The following HIPK3 variants were observed in gnomAD, a reference collection of about 807,000 sequenced individuals.
HIPK3 encodes homeodomain interacting protein kinase 3, also known as homeodomain-interacting protein kinase 3.
HIPK3 carries 47 observed loss-of-function variants against 124.2 expected under a neutral mutation model. The ratio of observed to expected loss-of-function variants is 0.38; its 90% CI spans 0.30 to 0.48. HIPK3 has a LOEUF of 0.48. HIPK3 is among the 20% of genes least tolerant of loss of function. HIPK3 has a pLI of 0.98. For synonymous variants in HIPK3, 482 were observed against 515.2 expected (o/e 0.94, Z 0.87); for missense variants, 1,286 against 1,454.3 (o/e 0.88, Z 1.88).
intron 2 of HIPK3, among the ~76,000 whole-genome samples, chr11:33,310,299 A>ATCTATCTATCTATCTG (rs1321471159): frequency 1.3e-5 from 2 of 150,958 alleles, no homozygotes; most frequent in African/African-American, 4.9e-5. Flanking sequence ...CTATCTATCT[A>ATCTATCTATCTATCTG]TCTATCTAAT....
intron 1 of HIPK3, among the ~76,000 whole-genome samples, chr11:33,283,686 T>C (rs1027573775): frequency 2.0e-5 from 3 of 151,876 alleles, no homozygotes; most frequent in South Asian, 2.1e-4. Context: ...TTTTTTTTTT[T>C]CTTTTGGAGA....
chr11:33,305,431 T>C (rs1398973069), intron 2 of HIPK3, among the ~76,000 whole-genome samples: 1 of 152,234 alleles, frequency 6.6e-6, no homozygotes, highest in Non-Finnish European at 1.5e-5. Flanking sequence ...AAACAGTTCA[T>C]GAAATAATGA....
intron 2 of HIPK3, among the ~76,000 whole-genome samples, chr11:33,324,389 G>A (rs988914398): frequency 2.6e-5 from 4 of 152,142 alleles, no homozygotes; most frequent in Non-Finnish European, 4.4e-5. Context: ...GGCATGCTAC[G>A]GTTAACTGGG....
intron 16 of HIPK3, among the ~76,000 whole-genome samples, chr11:33,352,590 T>C (rs112908656): frequency 1.3e-5 from 2 of 152,288 alleles, no homozygotes; most frequent in South Asian, 2.1e-4. Context: ...TGTGTTTCAG[T>C]TGGGAAAAGA....
At chr11:33,310,510 T>C (rs1292238153) in intron 2 of HIPK3, among the ~76,000 whole-genome samples, 1 of 152,164 alleles carries the variant, frequency 6.6e-6, no homozygotes, top group Non-Finnish European at 1.5e-5. Context: ...GGTTTTGCTA[T>C]GTTGGGCAGG....
chr11:33,272,556 A>G (rs1854154355), intron 1 of HIPK3, among the ~76,000 whole-genome samples: 3 of 152,044 alleles, frequency 2.0e-5, no homozygotes, highest in African/African-American at 7.2e-5. Context: ...TTTCTGCTGT[A>G]TCACCTTCCT....
chr11:33,343,817 T>C (rs1853415670), intron 8 of HIPK3, among the ~76,000 whole-genome samples: 1 of 152,150 alleles, frequency 6.6e-6, no homozygotes, highest in Non-Finnish European at 1.5e-5. Flanking sequence ...ATTTATATCA[T>C]AGAAAGTATA....
chr11:33,320,528 A>T (rs771711211), intron 2 of HIPK3, among the ~76,000 whole-genome samples: 1 of 152,220 alleles, frequency 6.6e-6, no homozygotes, highest in Non-Finnish European at 1.5e-5. Flanking sequence ...GTAGAGGATA[A>T]GGACAGAAGC....
At chr11:33,306,474 A>T (rs187842168) in intron 2 of HIPK3, among the ~76,000 whole-genome samples, 2,570 of 141,024 alleles carry the variant, frequency 0.018, 16 homozygotes, top group African/African-American at 0.026. Flanking sequence ...GCTTTTTTTT[A>T]AAAAAAATTA....
chr11:33,286,858 C>T lies in HIPK3; in HGVS notation c.444C>T (p.Ser148=), dbSNP rs1851570767. The T allele has an allele frequency of 1.2e-6, 2 of 1,613,986 alleles. No individual in the cohort carries two copies. The highest frequency in any genetic ancestry group is 1.3e-5 in the African/African-American group (1 of 74,886). ...CAATGCAGATTGTCGATGAATTGTC[C>T]ATACTTCCTGCAATGTTGCAAACCA... ...SSAMQIVDEL[S]ILPAMLQTNM... Residue 148 remains serine (S), a synonymous_variant, in exon 2 of 17, where the codon TCC becomes TCT. Coordinates refer to ENST00000303296, the MANE Select transcript of HIPK3 (RefSeq NM_005734.5).
chr11:33,286,611 T>C lies in HIPK3; in HGVS notation c.197T>C (p.Ile66Thr), dbSNP rs1018035334. The part of the protein sequence containing the change: ...PTKGSAFQTK[I>T]PFNRPRGHNF... ...AAGGGTAGTGCTTTTCAGACAAAGA[T>C]ACCATTTAATAGACCTCGAGGACAC... The change falls in exon 2 of 17, where the codon ATA (isoleucine) becomes ACA (threonine). Residue 66 changes from isoleucine to threonine, a missense_variant. Coordinates refer to ENST00000303296, the MANE Select transcript of HIPK3 (RefSeq NM_005734.5). 1 of 1,614,160 alleles carries C rather than the reference T, an allele frequency of 6.2e-7. No individual in the cohort carries two copies. Among genetic ancestry groups the C allele is most frequent in the East Asian group, 2.2e-5 (1 of 44,886 alleles).
At chr11:33,262,160 T>G (rs760025010) in intron 1 of HIPK3, among the ~76,000 whole-genome samples, 2 of 152,204 alleles carry the variant, frequency 1.3e-5, no homozygotes, top group Non-Finnish European at 2.9e-5. Flanking sequence ...CAGTGGAGGC[T>G]TTTAGGATAG....
intron 1 of HIPK3, among the ~76,000 whole-genome samples, chr11:33,280,109 T>C (rs1333121863): frequency 6.6e-6 from 1 of 152,186 alleles, no homozygotes; most frequent in Non-Finnish European, 1.5e-5. Flanking sequence ...GAAAGCTTAA[T>C]GGTTGCTCTA....
intron 1 of HIPK3, among the ~76,000 whole-genome samples, chr11:33,263,901 A>C (rs1850889459): frequency 6.6e-6 from 1 of 152,232 alleles, no homozygotes; most frequent in Non-Finnish European, 1.5e-5. Flanking sequence ...TTCCAGGACT[A>C]ATCTGAAGCT....
rs370516654 is a variant in HIPK3, at chr11:33,352,133, G to T, written c.3044-5G>T. On this transcript the variant is annotated splice_polypyrimidine_tract_variant and splice_region_variant and intron_variant, in intron 15 of 16. Transcript: ENST00000303296. ...TAAACTCTTTAATATTTTATTCGTCGCCAGATTCTATATGCCAGCCATTAA... is the reference window on the plus strand; with the variant it reads ...TAAACTCTTTAATATTTTATTCGTCTCCAGATTCTATATGCCAGCCATTAA... 1.2e-6 allele frequency: 2 copies of T among 1,611,434 alleles called. No homozygotes were observed. The highest frequency in any genetic ancestry group is 2.2e-5 in the East Asian group (1 of 44,858).
chr11:33,271,939 A>C (rs1037700322), intron 1 of HIPK3, among the ~76,000 whole-genome samples: 1 of 152,192 alleles, frequency 6.6e-6, no homozygotes, highest in Admixed American at 6.5e-5. Context: ...CTGTTTTTCT[A>C]TGACACTTTC....
chr11:33,312,469 A>G (rs559463502), intron 2 of HIPK3, among the ~76,000 whole-genome samples: 3 of 152,204 alleles, frequency 2.0e-5, no homozygotes, highest in African/African-American at 4.8e-5. Context: ...ACAGATTAAA[A>G]TGGAATGTAT....
chr11:33,315,732 C>G (rs1276741041), intron 2 of HIPK3, among the ~76,000 whole-genome samples: 1 of 152,150 alleles, frequency 6.6e-6, no homozygotes, highest in Non-Finnish European at 1.5e-5. Flanking sequence ...CTGTATTCAT[C>G]TCTTTTGGTA....
chr11:33,330,216 G>T (rs1161535837), intron 3 of HIPK3, among the ~76,000 whole-genome samples: 1 of 152,162 alleles, frequency 6.6e-6, no homozygotes, highest in Non-Finnish European at 1.5e-5. Flanking sequence ...ATCTGATCCA[G>T]ATTGACAATG....
Sources: gnomAD v4.1 joint callset for allele counts (sites outside exome capture counted in the v4.1 genomes callset) on GRCh38, gnomAD v4.1.1 for gene constraint, MANE v1.5 for transcripts, NCBI Gene and HGNC (gene_info 2026-07-23, HGNC 2026-07-21) for gene names.